CALN1: variants seen among roughly 807,000 people sequenced by gnomAD.
CALN1 encodes calcium-binding protein 8.
CALN1 carries 17 observed loss-of-function variants against 30.6 expected under a neutral mutation model. The observed-to-expected ratio is 0.56, with a 90% CI of 0.38 to 0.83. CALN1 has a LOEUF of 0.83. CALN1 is among the 40% of genes least tolerant of loss of function. The pLI is 0.00. For synonymous variants in CALN1, 156 were observed against 131.4 expected (o/e 1.19, Z -1.28); for missense variants, 291 against 354.9 (o/e 0.82, Z 1.45).
At chr7:71,997,123 T>G (rs933969553) in intron 5 of CALN1, among the ~76,000 whole-genome samples, 4 of 151,958 alleles carry the variant, frequency 2.6e-5, no homozygotes, top group Non-Finnish European at 4.4e-5. Context: ...CAGCTACTCA[T>G]GCGAGTGACT....
chr7:72,435,112 G>A (rs1808108281), intron 1 of CALN1, among the ~76,000 whole-genome samples: 1 of 152,184 alleles, frequency 6.6e-6, no homozygotes, highest in South Asian at 2.1e-4. Flanking sequence ...GCATGTGCCT[G>A]TAGTCCTAGC....
chr7:72,399,587 C>T (rs750485822), intron 2 of CALN1, among the ~76,000 whole-genome samples: 1 of 152,076 alleles, frequency 6.6e-6, no homozygotes, highest in East Asian at 1.9e-4. Flanking sequence ...TGCTTTTGTT[C>T]CGTAAGTCAC....
At chr7:72,337,425 C>CAT (rs1491582861) in intron 2 of CALN1, among the ~76,000 whole-genome samples, 2 of 418 alleles carry the variant, frequency 4.8e-3, no homozygotes, top group African/African-American at 7.0e-3. Context: ...CTCGCGCGCA[C>CAT]ACACACACAC....
intron 5 of CALN1, among the ~76,000 whole-genome samples, chr7:71,896,413 T>G (rs951579035): frequency 6.6e-6 from 1 of 152,138 alleles, no homozygotes; most frequent in South Asian, 2.1e-4. Flanking sequence ...AAAGATTAGG[T>G]TTCCCAAAAA....
chr7:72,119,502 T>C (rs1052886675), intron 3 of CALN1, among the ~76,000 whole-genome samples: 1 of 145,478 alleles, frequency 6.9e-6, no homozygotes, highest in South Asian at 2.5e-4. Flanking sequence ...ACTTGCATTA[T>C]ATGGTAAAAG....
intron 2 of CALN1, among the ~76,000 whole-genome samples, chr7:72,395,751 G>C (rs1439881657): frequency 6.6e-6 from 1 of 152,016 alleles, no homozygotes; most frequent in African/African-American, 2.4e-5. Flanking sequence ...GTCGAAAACC[G>C]AGAAGGAAAA....
chr7:72,397,294 G>A (rs565380430), intron 2 of CALN1, among the ~76,000 whole-genome samples: 1 of 152,322 alleles, frequency 6.6e-6, no homozygotes, highest in East Asian at 1.9e-4. Context: ...ATGCCAGAGA[G>A]AGGCAGGTTG....
chr7:72,246,345 C>T (rs1420798407), intron 3 of CALN1, among the ~76,000 whole-genome samples: 1 of 152,134 alleles, frequency 6.6e-6, no homozygotes, highest in Admixed American at 6.5e-5. Flanking sequence ...CTCCTGCAGA[C>T]ACCTCTGGAC....
chr7:71,938,624 G>A (rs1464099716), intron 5 of CALN1, among the ~76,000 whole-genome samples: 2 of 151,866 alleles, frequency 1.3e-5, no homozygotes, highest in Admixed American at 1.3e-4. Context: ...GTGAAACCCC[G>A]TCTCTACTAA....
At chr7:72,241,263 G>A (rs1794808641) in intron 3 of CALN1, among the ~76,000 whole-genome samples, 2 of 152,198 alleles carry the variant, frequency 1.3e-5, no homozygotes, top group South Asian at 4.1e-4. Context: ...CCATGGACTA[G>A]GGGAAGGGAG....
At chr7:72,246,753 A>ATTTTTTTTTTTTTTTTT (rs58282615) in intron 3 of CALN1, among the ~76,000 whole-genome samples, 1 of 116,580 alleles carries the variant, frequency 8.6e-6, no homozygotes. Flanking sequence ...TACCAGAACA[A>ATTTTTTTTTTTTTTTTT]TTTTTTTTTT....
chr7:72,100,229 G>A (rs987199230), intron 4 of CALN1, among the ~76,000 whole-genome samples: 2 of 151,740 alleles, frequency 1.3e-5, no homozygotes, highest in African/African-American at 4.8e-5. Context: ...TACAATCATA[G>A]CTTACTGCAG....
intron 5 of CALN1, among the ~76,000 whole-genome samples, chr7:71,821,613 G>A (rs1788594901): frequency 6.6e-6 from 1 of 152,106 alleles, no homozygotes; most frequent in South Asian, 2.1e-4. Context: ...AACTATGGGA[G>A]CCACAATTCA....
intron 2 of CALN1, among the ~76,000 whole-genome samples, chr7:72,287,195 CCTACT>C (rs879262780): frequency 3.3e-5 from 5 of 152,086 alleles, no homozygotes; most frequent in Non-Finnish European, 5.9e-5. Flanking sequence ...ACCCTTACCA[CCTACT>C]CTATTCTTTC....
chr7:71,849,125 A>G (rs900230519), intron 5 of CALN1, among the ~76,000 whole-genome samples: 2 of 152,178 alleles, frequency 1.3e-5, no homozygotes, highest in Non-Finnish European at 2.9e-5. Flanking sequence ...ACATCTAACC[A>G]TTTTAGAATT....
At chr7:71,992,794 T>C (rs558785574) in intron 5 of CALN1, among the ~76,000 whole-genome samples, 1 of 152,336 alleles carries the variant, frequency 6.6e-6, no homozygotes, top group East Asian at 1.9e-4. Context: ...AATATCGTTA[T>C]TAAATCTCGT....
At chr7:72,282,436 T>C (rs188855878) in intron 2 of CALN1, among the ~76,000 whole-genome samples, 2 of 152,276 alleles carry the variant, frequency 1.3e-5, no homozygotes, top group Admixed American at 6.5e-5. Context: ...GACTCTAATG[T>C]GGTAGTATTA....
chr7:72,354,664 G>A (rs1803120358), intron 2 of CALN1, among the ~76,000 whole-genome samples: 1 of 152,080 alleles, frequency 6.6e-6, no homozygotes, highest in Non-Finnish European at 1.5e-5. Flanking sequence ...TTTTCACAAA[G>A]GTGCCAAATT....
At chr7:72,337,664 G>C (rs1303937995) in intron 2 of CALN1, 1 of 152,550 alleles carries the variant, frequency 6.6e-6, no homozygotes, top group East Asian at 1.9e-4. Context: ...CAGGGGGAAG[G>C]CGGGGCGCCG....
Sources: allele counts gnomAD v4.1 joint callset (sites outside exome capture counted in the v4.1 genomes callset), GRCh38; gene constraint gnomAD v4.1.1; transcripts MANE v1.5; gene names NCBI Gene and HGNC (gene_info 2026-07-23, HGNC 2026-07-21).